B4GALT5: variants seen among roughly 807,000 people sequenced by gnomAD.
The protein encoded by B4GALT5 is UDP-Gal:beta-GlcNAc beta-1,4-galactosyltransferase 5.
Under a neutral mutation model 45.0 loss-of-function variants are expected in B4GALT5, and 11 were observed. The observed-to-expected ratio is 0.24, with a 90% confidence interval of 0.15 to 0.40. B4GALT5 has a LOEUF of 0.40. Among genes scored for constraint, B4GALT5 ranks in the 10% least tolerant of loss-of-function variants. The pLI is 1.00. For missense variants in B4GALT5, 337 were observed against 500.2 expected (o/e 0.67, Z 3.11); for synonymous variants, 185 against 182.9 (o/e 1.01, Z -0.09).
intron 1 of B4GALT5, among the ~76,000 whole-genome samples, chr20:49,698,694 T>C (rs183369848): frequency 6.6e-6 from 1 of 152,224 alleles, no homozygotes. Context: ...ACACACCTCC[T>C]AGTCATCCAG....
chr20:49,673,754 T>G (rs2085725603), intron 1 of B4GALT5, among the ~76,000 whole-genome samples: 1 of 152,144 alleles, frequency 6.6e-6, no homozygotes, highest in South Asian at 2.1e-4. Context: ...TAAAGAGATG[T>G]GTGCTGAAGT....
At chr20:49,643,921 GCTTTTTTTTTT>G (rs2085587807) in intron 3 of B4GALT5, among the ~76,000 whole-genome samples, 1 of 115,752 alleles carries the variant, frequency 8.6e-6, no homozygotes, top group Non-Finnish European at 1.7e-5. Context: ...CAGTAGCTGA[GCTTTTTTTTTT>G]TTTTTTTTTT....
chr20:49,657,999 C>CGAAAG, intron 1 of B4GALT5, among the ~76,000 whole-genome samples: 1 of 152,126 alleles, frequency 6.6e-6, no homozygotes, highest in Non-Finnish European at 1.5e-5. Context: ...GATTTCAAAT[C>CGAAAG]ATCTCTTAAG....
At chr20:49,672,031 T>A (rs551295243) in intron 1 of B4GALT5, among the ~76,000 whole-genome samples, 1 of 152,282 alleles carries the variant, frequency 6.6e-6, no homozygotes, top group South Asian at 2.1e-4. Context: ...TTCATAATGA[T>A]CCTAAAGCTC....
At chr20:49,646,820 G>A (rs2085600894) in intron 3 of B4GALT5, 145 bp downstream of exon 3, 1 of 523,650 alleles carries the variant, frequency 1.9e-6, no homozygotes. Context: ...CTTTGAAGAG[G>A]AGCCAGGAGC....
At chr20:49,665,719 G>A (rs73119763) in intron 1 of B4GALT5, among the ~76,000 whole-genome samples, 4,807 of 148,096 alleles carry the variant, frequency 0.032, 95 homozygotes, top group Middle Eastern at 0.075. Flanking sequence ...TTGTTCAGGG[G>A]TACAGGAGAG....
intron 1 of B4GALT5, among the ~76,000 whole-genome samples, chr20:49,706,048 T>C (rs2146362538): frequency 6.6e-6 from 1 of 150,466 alleles, no homozygotes; most frequent in South Asian, 2.1e-4. Context: ...AAAAATTAGC[T>C]GGGCATGGTT....
At chr20:49,638,676 T>C (rs1301037485) in intron 7 of B4GALT5, among the ~76,000 whole-genome samples, 1 of 151,858 alleles carries the variant, frequency 6.6e-6, no homozygotes, top group East Asian at 1.9e-4. Context: ...CACTTAGTTA[T>C]AATATGCCTT....
At chr20:49,652,045 G>T (rs1182456825) in intron 2 of B4GALT5, among the ~76,000 whole-genome samples, 2 of 152,096 alleles carry the variant, frequency 1.3e-5, no homozygotes, top group African/African-American at 4.8e-5. Context: ...TGCCACTGCA[G>T]TCCAGCCTGG....
intron 1 of B4GALT5, among the ~76,000 whole-genome samples, chr20:49,696,985 T>C (rs2085841982): frequency 6.6e-6 from 1 of 152,246 alleles, no homozygotes; most frequent in African/African-American, 2.4e-5. Flanking sequence ...ACTATTTTAA[T>C]TATACAACTA....
chr20:49,636,529 A>G, intron 8 of B4GALT5, 70 bp from the exon 9 acceptor site: 1 of 1,558,170 alleles, frequency 6.4e-7, no homozygotes, highest in Non-Finnish European at 8.8e-7. Context: ...CAGAGGATGG[A>G]GCAGGGCGTC....
At chr20:49,664,667 T>C (rs1009225451) in intron 1 of B4GALT5, among the ~76,000 whole-genome samples, 1 of 152,190 alleles carries the variant, frequency 6.6e-6, no homozygotes, top group African/African-American at 2.4e-5. Flanking sequence ...ACATGGAATG[T>C]ATATCAGATA....
chr20:49,707,601 A>G (rs977956735), intron 1 of B4GALT5, among the ~76,000 whole-genome samples: 1 of 152,144 alleles, frequency 6.6e-6, no homozygotes, highest in African/African-American at 2.4e-5. Flanking sequence ...TTGATTATAT[A>G]AAACATGTAT....
At chr20:49,650,637 T>TAAAC (rs150243530) in intron 2 of B4GALT5, among the ~76,000 whole-genome samples, 9 of 151,738 alleles carry the variant, frequency 5.9e-5, no homozygotes, top group East Asian at 1.9e-4. Context: ...AACTCCATCA[T>TAAAC]AAACAAACAA....
intron 1 of B4GALT5, among the ~76,000 whole-genome samples, chr20:49,672,918 G>C (rs757924238): frequency 1.3e-5 from 2 of 152,120 alleles, no homozygotes; most frequent in African/African-American, 2.4e-5. Flanking sequence ...AACTGCAAAG[G>C]GGGAAACGTG....
At chr20:49,693,418 G>C (rs567121850) in intron 1 of B4GALT5, among the ~76,000 whole-genome samples, 1 of 152,292 alleles carries the variant, frequency 6.6e-6, no homozygotes, top group Admixed American at 6.5e-5. Context: ...CACCAAACCA[G>C]TAAGTTGCAG....
chr20:49,700,674 C>T (rs1000804695), intron 1 of B4GALT5, among the ~76,000 whole-genome samples: 3 of 152,080 alleles, frequency 2.0e-5, no homozygotes, highest in Admixed American at 2.0e-4. Flanking sequence ...CACTGTGACA[C>T]CACGATGATG....
chr20:49,659,488 G>A (rs1413408403), intron 1 of B4GALT5, among the ~76,000 whole-genome samples: 4 of 152,042 alleles, frequency 2.6e-5, no homozygotes, highest in Non-Finnish European at 5.9e-5. Flanking sequence ...CAACTGTCTC[G>A]TGTTAGTCTC....
At chr20:49,647,105 T>C in intron 2 of B4GALT5, 27 bp from the exon 3 acceptor site, 1 of 1,451,552 alleles carries the variant, frequency 6.9e-7, no homozygotes, top group East Asian at 2.3e-5. Context: ...AAAAAGTCGA[T>C]CAGACTGGTA....
Sources: allele counts gnomAD v4.1 joint callset (sites outside exome capture counted in the v4.1 genomes callset), GRCh38; gene constraint gnomAD v4.1.1; transcripts MANE v1.5; gene names NCBI Gene and HGNC (gene_info 2026-07-23, HGNC 2026-07-21).